BFSP1: variants seen among roughly 807,000 people sequenced by gnomAD.
BFSP1 encodes beaded filament structural protein 1.
A neutral mutation model predicts 43.9 loss-of-function variants in BFSP1; 38 were observed. The ratio of observed to expected loss-of-function variants is 0.87; its 90% CI spans 0.67 to 1.14. The LOEUF (loss-of-function observed/expected upper bound fraction) is 1.14, where lower values mean the gene tolerates loss of function less well. Among genes scored for constraint, BFSP1 ranks in the 50% most tolerant of loss-of-function variants. The probability of loss-of-function intolerance (pLI) is 0.00; values close to 1 mark genes in which losing one functional copy is unlikely to be tolerated. For missense variants in BFSP1, 850 were observed against 875.1 expected (o/e 0.97, Z 0.36); for synonymous variants, 352 against 354.8 (o/e 0.99, Z 0.09).
intron 1 of BFSP1, among the ~76,000 whole-genome samples, chr20:17,542,854 G>GA (rs1395005185): frequency 1.3e-5 from 2 of 152,174 alleles, no homozygotes; most frequent in East Asian, 3.8e-4. Flanking sequence ...AGATGTTTCT[G>GA]AAAAATAATT....
intron 1 of BFSP1, among the ~76,000 whole-genome samples, chr20:17,540,822 C>T (rs1317170081): frequency 6.6e-6 from 1 of 152,178 alleles, no homozygotes; most frequent in East Asian, 1.9e-4. Flanking sequence ...ATAATCTCTC[C>T]TCCAAGATCC....
intron 5 of BFSP1, among the ~76,000 whole-genome samples, chr20:17,504,934 G>GT (rs1280882769): frequency 9.0e-5 from 10 of 111,200 alleles, no homozygotes; most frequent in Admixed American, 2.7e-4. Context: ...TTTTGTTTTT[G>GT]TTTTGTCTTA....
At chr20:17,554,291 T>C (rs1440681097) in intron 1 of BFSP1, among the ~76,000 whole-genome samples, 1 of 152,152 alleles carries the variant, frequency 6.6e-6, no homozygotes, top group Non-Finnish European at 1.5e-5. Flanking sequence ...AAGAAGGAAA[T>C]AGTCCCAATT....
At chr20:17,558,293 T>C (rs1284030755) in intron 1 of BFSP1, among the ~76,000 whole-genome samples, 4 of 152,180 alleles carry the variant, frequency 2.6e-5, no homozygotes, top group African/African-American at 9.7e-5. Flanking sequence ...TTAAAATGGC[T>C]TCCTGACTGG....
At chr20:17,550,562 T>C (rs570351243) in intron 1 of BFSP1, among the ~76,000 whole-genome samples, 1 of 151,506 alleles carries the variant, frequency 6.6e-6, no homozygotes, top group East Asian at 2.0e-4. Context: ...CCACCCAGGT[T>C]CAAGCTATTC....
chr20:17,548,180 CAAAAAAAAA>C (rs11470598), intron 1 of BFSP1, among the ~76,000 whole-genome samples: 11 of 119,864 alleles, frequency 9.2e-5, no homozygotes, highest in Non-Finnish European at 1.8e-4. Flanking sequence ...GAAAATAATG[CAAAAAAAAA>C]AAAAAAAAAA....
At chr20:17,527,327 A>G (rs940226236) in intron 1 of BFSP1, among the ~76,000 whole-genome samples, 28 of 152,244 alleles carry the variant, frequency 1.8e-4, no homozygotes, top group African/African-American at 6.3e-4. Flanking sequence ...TCCTGCTGGA[A>G]ATATCTAAGA....
At position 17,523,139 on chromosome 20, in the gene BFSP1, C is replaced by T. The variant is rs182213706; in HGVS notation, c.438+1709G>A. Among the ~76,000 whole-genome samples, 1,154 of 152,232 alleles carry T rather than the reference C, an allele frequency of 7.6e-3. 7 individuals are homozygous for T. Among genetic ancestry groups the T allele is most frequent in the South Asian group, 0.015 (73 of 4,810 alleles). On this transcript the variant is annotated intron_variant, in intron 2 of 7. Coordinates refer to ENST00000377873, the MANE Select transcript of BFSP1 (RefSeq NM_001195.5). ...TATGCGATGCCTTTTCCTTATTTTT[C>T]GTTATCTATGTTGCCTTATTTTTTC...
rs1273612134 is a variant in BFSP1, at chr20:17,494,875, C to T, written c.1197G>A (p.Leu399=). 3.5e-5 allele frequency: 57 copies of T among 1,614,066 alleles called. No individual in the cohort carries two copies. The highest frequency in any genetic ancestry group is 1.6e-4 in the Middle Eastern group (1 of 6,084). ...APLKGLEDTK[L]VQVVLKEESE... ...TTTCCTCTTTAAGTACCACCTGTAC[C>T]AGCTTTGTGTCTTCCAAACCTTTTA... The change falls in exon 8 of 8, where the codon CTG becomes CTA. Residue 399 remains leucine, a synonymous_variant. Transcript: ENST00000377873.
intron 2 of BFSP1, among the ~76,000 whole-genome samples, chr20:17,519,270 AC>A (rs1355535156): frequency 2.0e-5 from 3 of 152,202 alleles, no homozygotes; most frequent in African/African-American, 4.8e-5. Context: ...TGGTCCTCAA[AC>A]TTTTGTTAAG....
chr20:17,552,704 T>A (rs144873155), intron 1 of BFSP1, among the ~76,000 whole-genome samples: 14 of 152,196 alleles, frequency 9.2e-5, no homozygotes, highest in African/African-American at 3.4e-4. Context: ...CAGAATGTAC[T>A]GATGTGGGAT....
intron 1 of BFSP1, among the ~76,000 whole-genome samples, chr20:17,553,870 T>TATACATATATATAC (rs11472661): frequency 1.3e-5 from 1 of 78,168 alleles, no homozygotes; most frequent in Non-Finnish European, 2.9e-5. Context: ...CACATATATA[T>TATACATATATATAC]ACATATATAT....
intron 1 of BFSP1, among the ~76,000 whole-genome samples, chr20:17,553,822 CACATAT>C (rs1394552754): frequency 6.3e-5 from 4 of 63,508 alleles, no homozygotes; most frequent in African/African-American, 3.2e-4. Flanking sequence ...CACACACACA[CACATAT>C]ATATATATAC....
intron 5 of BFSP1, among the ~76,000 whole-genome samples, chr20:17,504,140 AG>A (rs2033873266): frequency 6.6e-6 from 1 of 152,006 alleles, no homozygotes; most frequent in South Asian, 2.1e-4. Flanking sequence ...CTGCGGGAGG[AG>A]CTCCTGTCCT....
At chr20:17,566,862 C>T (rs1339756515) in intron 1 of BFSP1, among the ~76,000 whole-genome samples, 1 of 152,234 alleles carries the variant, frequency 6.6e-6, no homozygotes, top group East Asian at 1.9e-4. Context: ...CCATCTTGGC[C>T]AGCCTGGTCT....
chr20:17,522,212 A>C (rs185503933), intron 2 of BFSP1, among the ~76,000 whole-genome samples: 1 of 152,282 alleles, frequency 6.6e-6, no homozygotes, highest in East Asian at 1.9e-4. Context: ...CCACAAATAC[A>C]AAAGACCCCA....
At chr20:17,501,725 T>C (rs1438532392) in intron 5 of BFSP1, among the ~76,000 whole-genome samples, 1 of 152,176 alleles carries the variant, frequency 6.6e-6, no homozygotes, top group Non-Finnish European at 1.5e-5. Context: ...TGTCCCTGTG[T>C]CTGATGTCAG....
Position 17,494,539 on chromosome 20 carries a change from C to A in BFSP1, c.1533G>T (p.Glu511Asp), listed in dbSNP as rs1201779384. The A allele has an allele frequency of 1.2e-6, 2 of 1,614,102 alleles. No homozygotes were observed. The highest frequency in any genetic ancestry group is 1.7e-6 in the Non-Finnish European group (2 of 1,180,052). The stretch of plus-strand genomic sequence containing the variant: ...GGGGCTTGGGTGACTCAGGAGAGGG[C>A]TCCACCTGGCCGTCATAAAGCACAG... Reference protein sequence around the residue: ...EDSVLYDGQVEPSPESPKPPL... With the variant: ...EDSVLYDGQVDPSPESPKPPL... The change falls in exon 8 of 8, where the codon GAG becomes GAT. Residue 511 changes from glutamate (E) to aspartate (D), a missense_variant. Physicochemically the swap from Glu to Asp is conservative, Grantham distance 45. Coordinates refer to ENST00000377873, the MANE Select transcript of BFSP1 (RefSeq NM_001195.5).
intron 4 of BFSP1, among the ~76,000 whole-genome samples, chr20:17,510,212 T>C (rs1405325973): frequency 6.6e-6 from 1 of 152,220 alleles, no homozygotes; most frequent in African/African-American, 2.4e-5. Flanking sequence ...GAGGCTGGAC[T>C]GGACACTCTG....
Sources: gnomAD v4.1 joint callset for allele counts (sites outside exome capture counted in the v4.1 genomes callset) on GRCh38, gnomAD v4.1.1 for gene constraint, MANE v1.5 for transcripts, NCBI Gene and HGNC (gene_info 2026-07-23, HGNC 2026-07-21) for gene names.